The following RABGAP1L variants were observed in gnomAD, a reference collection of about 807,000 sequenced individuals.
The protein encoded by RABGAP1L is rab GTPase-activating protein 1-like.
In RABGAP1L, 63 loss-of-function variants were observed where a neutral mutation model predicts 137.7. The ratio of observed to expected loss-of-function variants is 0.46; its 90% CI spans 0.37 to 0.56. RABGAP1L has a LOEUF of 0.56. Ranked by LOEUF, RABGAP1L falls within the 20% of genes least tolerant of loss-of-function variation. The pLI is 0.00. For missense variants in RABGAP1L, 1,095 were observed against 1,244.0 expected (o/e 0.88, Z 1.80); for synonymous variants, 431 against 433.7 (o/e 0.99, Z 0.08).
intron 13 of RABGAP1L, among the ~76,000 whole-genome samples, chr1:174,514,728 A>T (rs1662658458): frequency 6.6e-6 from 1 of 152,032 alleles, no homozygotes; most frequent in Admixed American, 6.6e-5. Flanking sequence ...CACACAGCAT[A>T]TTCAATTGCA....
intron 14 of RABGAP1L, among the ~76,000 whole-genome samples, chr1:174,678,319 A>G (rs1480472854): frequency 6.6e-6 from 1 of 152,044 alleles, no homozygotes; most frequent in East Asian, 1.9e-4. Flanking sequence ...CTTACGCAAA[A>G]CTCTTTCAGA....
chr1:174,443,057 T>C (rs956914547), intron 13 of RABGAP1L, among the ~76,000 whole-genome samples: 3 of 152,164 alleles, frequency 2.0e-5, no homozygotes. Flanking sequence ...TTTCATTCTT[T>C]TTTATAGTTG....
At position 174,877,668 on chromosome 1, in the gene RABGAP1L, TC is replaced by T; in HGVS notation, c.2340+65710del. 7 of 1,517,022 alleles carry T rather than the reference TC, an allele frequency of 4.6e-6. No homozygotes were observed. The South Asian group carries it at 5.7e-5, about 12-fold the overall frequency. 94.0% of individuals were successfully genotyped at this position (1,517,022 alleles called of 1,614,324 possible). A position where few individuals can be genotyped will look rare whatever the true frequency, so the allele number is the denominator to read the frequency against. ...TTCTTTTCTAACATGATATCTATAC[TC>T]CTGTAGCAACTGAGGCATAACTTGC... On this transcript the variant is annotated intron_variant, in intron 19 of 25. Coordinates refer to ENST00000681986, the MANE Select transcript of RABGAP1L (RefSeq NM_001366446.1).
At chr1:174,640,404 C>G (rs1304475059) in intron 14 of RABGAP1L, among the ~76,000 whole-genome samples, 1 of 151,944 alleles carries the variant, frequency 6.6e-6, no homozygotes, top group Non-Finnish European at 1.5e-5. Context: ...CAATTTGAAC[C>G]ACAGTCTTTT....
chr1:174,780,374 G>A (rs1344759233), intron 18 of RABGAP1L, among the ~76,000 whole-genome samples: 6 of 151,924 alleles, frequency 3.9e-5, no homozygotes, highest in South Asian at 2.1e-4. Context: ...CATACCTTAC[G>A]CTTGCCTGCT....
At chr1:174,377,764 T>TC (rs1558181391) in intron 12 of RABGAP1L, among the ~76,000 whole-genome samples, 12 of 151,978 alleles carry the variant, frequency 7.9e-5, no homozygotes, top group African/African-American at 2.9e-4. Flanking sequence ...CAACTCTTTT[T>TC]TTTTTTTTTA....
chr1:174,606,865 TG>T (rs1670832225), intron 13 of RABGAP1L, among the ~76,000 whole-genome samples: 1 of 152,186 alleles, frequency 6.6e-6, no homozygotes, highest in Non-Finnish European at 1.5e-5. Flanking sequence ...ATTAAATAAA[TG>T]TAACACAGCT....
chr1:174,742,081 G>T lies in RABGAP1L; in HGVS notation c.2170-10232G>T, dbSNP rs185796839. Among the ~76,000 whole-genome samples the T allele has an allele frequency of 8.0e-4, 99 of 124,146 alleles. 1 individual carries two copies. In the East Asian group the frequency reaches 0.023, roughly 29 times the overall value. 81.4% of individuals were successfully genotyped at this position (124,146 alleles called of 152,430 possible). Reference sequence around the variant, plus strand: ...AAGAAGAGGAAGAGGAGGGGGAGGGGGGAGGAGGAGGAAAGAAGAAGAAGA... The same window carrying T: ...AAGAAGAGGAAGAGGAGGGGGAGGGTGGAGGAGGAGGAAAGAAGAAGAAGA... On this transcript the variant is annotated intron_variant, in intron 17 of 25. Transcript: ENST00000681986.
chr1:174,345,500 T>C (rs1337272421), intron 11 of RABGAP1L, among the ~76,000 whole-genome samples: 1 of 152,196 alleles, frequency 6.6e-6, no homozygotes, highest in African/African-American at 2.4e-5. Context: ...TAGAGGTCTT[T>C]CGCTTGTTTG....
intron 19 of RABGAP1L, among the ~76,000 whole-genome samples, chr1:174,867,837 G>A (rs1429857269): frequency 6.6e-6 from 1 of 152,142 alleles, no homozygotes. Flanking sequence ...TAGAGATGGG[G>A]TTTCACCATG....
At chr1:174,306,652 A>G (rs548606961) in intron 11 of RABGAP1L, among the ~76,000 whole-genome samples, 2 of 152,026 alleles carry the variant, frequency 1.3e-5, no homozygotes, top group East Asian at 1.9e-4. Flanking sequence ...CTCATTTGAC[A>G]TCATTCAATT....
chr1:174,391,532 C>T (rs1687210458), intron 12 of RABGAP1L, among the ~76,000 whole-genome samples: 3 of 151,700 alleles, frequency 2.0e-5, no homozygotes, highest in Admixed American at 1.3e-4. Flanking sequence ...TGCCATGTTG[C>T]CCAGTCTGGA....
At chr1:174,866,600 C>T (rs1053296626) in intron 19 of RABGAP1L, among the ~76,000 whole-genome samples, 14 of 152,024 alleles carry the variant, frequency 9.2e-5, no homozygotes, top group African/African-American at 1.9e-4. Flanking sequence ...CTCATATTTG[C>T]GAATGCCTTA....
chr1:174,398,101 A>G (rs932165213), intron 13 of RABGAP1L, among the ~76,000 whole-genome samples: 5 of 152,176 alleles, frequency 3.3e-5, no homozygotes, highest in Non-Finnish European at 7.3e-5. Flanking sequence ...CCCTCCTGGT[A>G]TTATCCTCAA....
chr1:174,644,911 T>C (rs1039951223), intron 14 of RABGAP1L, among the ~76,000 whole-genome samples: 2 of 152,132 alleles, frequency 1.3e-5, no homozygotes, highest in Non-Finnish European at 2.9e-5. Context: ...AAATCTTAGT[T>C]GTCCATCTCC....
chr1:174,824,367 C>T (rs1015031951), intron 19 of RABGAP1L, among the ~76,000 whole-genome samples: 5 of 151,782 alleles, frequency 3.3e-5, no homozygotes, highest in African/African-American at 7.2e-5. Context: ...TGGTGACACA[C>T]GCCTATAGTC....
At position 174,504,113 on chromosome 1, in the gene RABGAP1L, C is replaced by T. The variant is rs186398504; in HGVS notation, c.1710+109968C>T. Among the ~76,000 whole-genome samples, 66 of 151,988 alleles carry T rather than the reference C, an allele frequency of 4.3e-4. 1 individual carries two copies. In the East Asian group the frequency reaches 0.01, roughly 23 times the overall value. Reference sequence around the variant, plus strand: ...TTAGCCTCCTGAGTAGCTGGGACTACAGGTATCAGCCACCATGCCTGGCTA... The same window carrying T: ...TTAGCCTCCTGAGTAGCTGGGACTATAGGTATCAGCCACCATGCCTGGCTA... On this transcript the variant is annotated intron_variant, in intron 13 of 25. Coordinates refer to ENST00000681986, the MANE Select transcript of RABGAP1L (RefSeq NM_001366446.1).
At chr1:174,684,398 G>A (rs1323679917) in intron 15 of RABGAP1L, among the ~76,000 whole-genome samples, 3 of 152,138 alleles carry the variant, frequency 2.0e-5, no homozygotes, top group Admixed American at 6.5e-5. Context: ...AAAATGTATG[G>A]AAGTATGATA....
chr1:174,422,399 A>G (rs1471551670), intron 13 of RABGAP1L, among the ~76,000 whole-genome samples: 1 of 152,064 alleles, frequency 6.6e-6, no homozygotes, highest in Non-Finnish European at 1.5e-5. Context: ...CATTCGACCA[A>G]CTTCCAAAAA....
Sources: allele counts gnomAD v4.1 joint callset (sites outside exome capture counted in the v4.1 genomes callset), GRCh38; gene constraint gnomAD v4.1.1; transcripts MANE v1.5; gene names NCBI Gene and HGNC (gene_info 2026-07-23, HGNC 2026-07-21).